The following HS6ST3 variants were observed in gnomAD, a reference collection of about 807,000 sequenced individuals.
The protein encoded by HS6ST3 is heparan sulfate 6-O-sulfotransferase 3, also known as heparan-sulfate 6-O-sulfotransferase 3.
A neutral mutation model predicts 36.7 loss-of-function variants in HS6ST3; 12 were observed. The observed-to-expected ratio is 0.33, with a 90% CI of 0.21 to 0.53. The LOEUF is 0.53. Among genes scored for constraint, HS6ST3 ranks in the 20% least tolerant of loss-of-function variants. The pLI is 0.95. For missense variants in HS6ST3, 584 were observed against 640.9 expected, an observed-to-expected ratio of 0.91 and a Z score of 0.96; for synonymous variants, 240 against 257.5, an observed-to-expected ratio of 0.93 and a Z score of 0.65.
At chr13:96,291,422 T>A (rs2054829350) in intron 1 of HS6ST3, among the ~76,000 whole-genome samples, 1 of 152,146 alleles carries the variant, frequency 6.6e-6, no homozygotes, top group Admixed American at 6.5e-5. Context: ...CAGTCCATGT[T>A]TTGGGAAAGG....
At chr13:96,651,943 T>C (rs1317150810) in intron 1 of HS6ST3, among the ~76,000 whole-genome samples, 2 of 152,096 alleles carry the variant, frequency 1.3e-5, no homozygotes, top group Non-Finnish European at 2.9e-5. Flanking sequence ...ATGGAAGTAT[T>C]CAGATTTGGC....
chr13:96,702,883 C>T (rs569308966), intron 1 of HS6ST3, among the ~76,000 whole-genome samples: 9 of 152,200 alleles, frequency 5.9e-5, no homozygotes, highest in Admixed American at 1.3e-4. Context: ...CCTCAATTTC[C>T]GAAGCAGGAA....
At chr13:96,117,187 A>G (rs988763955) in intron 1 of HS6ST3, among the ~76,000 whole-genome samples, 1 of 152,138 alleles carries the variant, frequency 6.6e-6, no homozygotes, top group Non-Finnish European at 1.5e-5. Flanking sequence ...GTTATTTTGA[A>G]TGGAGTCCTA....
intron 1 of HS6ST3, among the ~76,000 whole-genome samples, chr13:96,551,335 T>G (rs1483426605): frequency 6.6e-6 from 1 of 152,198 alleles, no homozygotes; most frequent in East Asian, 1.9e-4. Flanking sequence ...GGCAGAGTTT[T>G]TTTCTTCTTT....
intron 1 of HS6ST3, among the ~76,000 whole-genome samples, chr13:96,165,062 A>G (rs2054154195): frequency 6.6e-6 from 1 of 152,160 alleles, no homozygotes; most frequent in Admixed American, 6.5e-5. Context: ...ATATTTTACT[A>G]TTTCATACCT....
At chr13:96,166,624 C>G (rs1361937332) in intron 1 of HS6ST3, among the ~76,000 whole-genome samples, 12 of 136,324 alleles carry the variant, frequency 8.8e-5, no homozygotes, top group African/African-American at 3.4e-4. Flanking sequence ...GTTGACCAGG[C>G]TGGTCTCAAA....
At chr13:96,802,362 A>T (rs1279826579) in intron 1 of HS6ST3, among the ~76,000 whole-genome samples, 1 of 152,192 alleles carries the variant, frequency 6.6e-6, no homozygotes, top group East Asian at 1.9e-4. Context: ...CAGGCAGAAT[A>T]TCTCTGTCTG....
intron 1 of HS6ST3, among the ~76,000 whole-genome samples, chr13:96,391,074 G>A (rs757175173): frequency 1.3e-5 from 2 of 152,032 alleles, no homozygotes; most frequent in African/African-American, 2.4e-5. Flanking sequence ...CTCTACTCAC[G>A]TGATCTTTTG....
intron 1 of HS6ST3, among the ~76,000 whole-genome samples, chr13:96,769,734 CTGTGTGTGTGTG>C (rs66777701): frequency 2.6e-4 from 37 of 140,304 alleles, no homozygotes; most frequent in African/African-American, 7.5e-4. Context: ...ATTCCTAGCT[CTGTGTGTGTGTG>C]TGTGTGTGTG....
rs769971018 is a variant in HS6ST3, at chr13:96,833,088, GA to G, written c.1307del (p.Glu436GlyfsTer34). ...EHQRDRQKRREERRLQREHRD... is the reference protein window; with the variant it reads ...EHQRDRQKRRXERRLQREHRD... ...CCAGAGGGACCGCCAGAAGCGGCGG[GA>G]GGAGCGGAGGCTGCAGCGAGAGCAC... On this transcript the variant is annotated frameshift_variant, in exon 2 of 2. Coordinates refer to ENST00000376705, the MANE Select transcript of HS6ST3 (RefSeq NM_153456.4). LOFTEE classifies it high-confidence loss of function. 40 of 1,609,666 alleles carry G rather than the reference GA, an allele frequency of 2.5e-5. No individual in the cohort carries two copies. Among genetic ancestry groups the G allele is most frequent in the Admixed American group, 3.3e-5 (2 of 60,002 alleles).
intron 1 of HS6ST3, among the ~76,000 whole-genome samples, chr13:96,502,631 C>T (rs534521175): frequency 6.6e-6 from 1 of 152,178 alleles, no homozygotes; most frequent in South Asian, 2.1e-4. Context: ...TACAATATCC[C>T]GAAGTAAGAA....
intron 1 of HS6ST3, among the ~76,000 whole-genome samples, chr13:96,234,982 T>G (rs1263307642): frequency 6.6e-6 from 1 of 152,138 alleles, no homozygotes; most frequent in Non-Finnish European, 1.5e-5. Context: ...CTAGGGTTGC[T>G]CATACAGTAT....
chr13:96,296,896 A>G (rs1366077522), intron 1 of HS6ST3, among the ~76,000 whole-genome samples: 7 of 152,108 alleles, frequency 4.6e-5, no homozygotes, highest in Admixed American at 3.9e-4. Flanking sequence ...TTGGATACCA[A>G]CATTTCTTGC....
At chr13:96,176,394 A>G (rs2054212796) in intron 1 of HS6ST3, among the ~76,000 whole-genome samples, 1 of 152,186 alleles carries the variant, frequency 6.6e-6, no homozygotes, top group African/African-American at 2.4e-5. Flanking sequence ...GAATGATAGA[A>G]TAAGGATATA....
At chr13:96,118,069 A>G (rs147611411) in intron 1 of HS6ST3, among the ~76,000 whole-genome samples, 5,728 of 151,986 alleles carry the variant, frequency 0.038, 172 homozygotes, top group African/African-American at 0.083. Context: ...ATGGGGTTTT[A>G]CTATGTTGGC....
At position 96,769,436 on chromosome 13, in the gene HS6ST3, T is replaced by A. The variant is rs570646644; in HGVS notation, c.708-63054T>A. ...GCATTAGGTATATCTCCCAATGCTA[T>A]CCCTCCCCCCTCCCCCCACCCCCCC... On this transcript the variant is annotated intron_variant, in intron 1 of 1. Transcript: ENST00000376705. Among the ~76,000 whole-genome samples the A allele has an allele frequency of 2.3e-3, 196 of 86,770 alleles. 3 individuals are homozygous for A. Among genetic ancestry groups the A allele is most frequent in the African/African-American group, 8.6e-3 (188 of 21,850 alleles). 56.9% of individuals were successfully genotyped at this position (86,770 alleles called of 152,430 possible).
In HS6ST3 at chr13:96,798,460, G is replaced by A. The variant is rs116512003; in HGVS notation, c.708-34030G>A. ...CCAACAGTCAAGTCATCAGTGTTCA[G>A]AAAGACACTTACCACTTTGAAGAGT... On this transcript the variant is annotated intron_variant, in intron 1 of 1. Coordinates refer to ENST00000376705, the MANE Select transcript of HS6ST3 (RefSeq NM_153456.4). Among the ~76,000 whole-genome samples, 620 of 152,216 alleles carry A rather than the reference G, an allele frequency of 4.1e-3. 7 individuals are homozygous for A. Among genetic ancestry groups the A allele is most frequent in the African/African-American group, 0.014 (578 of 41,556 alleles).
chr13:96,668,686 C>CTTTTTTTTTTTTT (rs146033180), intron 1 of HS6ST3, among the ~76,000 whole-genome samples: 10 of 58,938 alleles, frequency 1.7e-4, no homozygotes, highest in Non-Finnish European at 2.2e-4. Flanking sequence ...TAGTGCCAAC[C>CTTTTTTTTTTTTT]TTTTTTTTTT....
intron 1 of HS6ST3, among the ~76,000 whole-genome samples, chr13:96,814,073 G>A (rs1290293023): frequency 6.6e-6 from 1 of 152,074 alleles, no homozygotes; most frequent in African/African-American, 2.4e-5. Flanking sequence ...TTGCTCTCCT[G>A]TATGTTTCCT....
Sources: gnomAD v4.1 joint callset for allele counts (sites outside exome capture counted in the v4.1 genomes callset) on GRCh38, gnomAD v4.1.1 for gene constraint, MANE v1.5 for transcripts, NCBI Gene and HGNC (gene_info 2026-07-23, HGNC 2026-07-21) for gene names.